The following EXOC4 variants were observed in gnomAD, a reference collection of about 807,000 sequenced individuals.
EXOC4 encodes the protein exocyst complex component 4, also known as SEC8-like 1.
In EXOC4, 71 loss-of-function variants were observed where a neutral mutation model predicts 107.2. The ratio of observed to expected loss-of-function variants is 0.66; its 90% CI spans 0.55 to 0.81. The LOEUF is 0.81. EXOC4 is among the 30% of genes least tolerant of loss of function. EXOC4 has a pLI of 0.00. For missense variants in EXOC4, 1,108 were observed against 1,189.6 expected, an observed-to-expected ratio of 0.93 and a Z score of 1.01; for synonymous variants, 456 against 441.2, an observed-to-expected ratio of 1.03 and a Z score of -0.42.
intron 11 of EXOC4, among the ~76,000 whole-genome samples, chr7:133,848,048 C>G (rs1379765223): frequency 6.6e-6 from 1 of 151,844 alleles, no homozygotes; most frequent in Admixed American, 6.6e-5. Context: ...ACTTCTAATT[C>G]CTCACAGCTA....
intron 10 of EXOC4, among the ~76,000 whole-genome samples, chr7:133,779,742 A>G (rs2542257): frequency 0.99 from 150,269 of 152,284 alleles, 74,183 homozygotes; most frequent in Middle Eastern, 1. Flanking sequence ...TTTGTAAAAT[A>G]GACCAATCAG....
At chr7:133,925,224 G>A (rs1800025496) in intron 13 of EXOC4, among the ~76,000 whole-genome samples, 1 of 152,130 alleles carries the variant, frequency 6.6e-6, no homozygotes, top group South Asian at 2.1e-4. Flanking sequence ...ATTACTAAAT[G>A]AGGCTCTTTT....
At chr7:134,058,594 T>G (rs148990262) in intron 17 of EXOC4, among the ~76,000 whole-genome samples, 240 of 152,322 alleles carry the variant, frequency 1.6e-3, no homozygotes, top group Middle Eastern at 0.01. Context: ...TCAAATCCAG[T>G]GTTGTTCAGA....
intron 14 of EXOC4, among the ~76,000 whole-genome samples, chr7:133,943,819 C>A (rs1234462335): frequency 6.6e-6 from 1 of 151,986 alleles, no homozygotes; most frequent in Admixed American, 6.6e-5. Flanking sequence ...CCATGGTTTC[C>A]CTTTCCGCCT....
chr7:133,971,200 G>C (rs1801213106), intron 14 of EXOC4, among the ~76,000 whole-genome samples: 1 of 151,746 alleles, frequency 6.6e-6, no homozygotes, highest in Non-Finnish European at 1.5e-5. Flanking sequence ...GGGTTAATGT[G>C]CAGGACTTGA....
At chr7:133,642,200 A>G (rs1012420971) in intron 10 of EXOC4, among the ~76,000 whole-genome samples, 10 of 152,094 alleles carry the variant, frequency 6.6e-5, no homozygotes, top group Non-Finnish European at 1.0e-4. Flanking sequence ...AGTGCTTACT[A>G]TATACCAGAC....
chr7:133,409,862 T>G (rs963832064), intron 7 of EXOC4, among the ~76,000 whole-genome samples: 2 of 152,222 alleles, frequency 1.3e-5, no homozygotes, highest in African/African-American at 4.8e-5. Flanking sequence ...AATTACTAGA[T>G]CTTTCTTATA....
At chr7:133,840,098 G>A (rs1797994627) in intron 11 of EXOC4, among the ~76,000 whole-genome samples, 2 of 152,166 alleles carry the variant, frequency 1.3e-5, no homozygotes, top group Non-Finnish European at 2.9e-5. Flanking sequence ...ATCTAGAAAG[G>A]TAGATAGATT....
intron 11 of EXOC4, among the ~76,000 whole-genome samples, chr7:133,876,477 T>C (rs1798851898): frequency 6.6e-6 from 1 of 152,172 alleles, no homozygotes; most frequent in African/African-American, 2.4e-5. Flanking sequence ...GCTTAGCTTT[T>C]ATCACGCTTA....
chr7:133,715,006 T>A (rs1039890386), intron 10 of EXOC4, among the ~76,000 whole-genome samples: 2 of 152,214 alleles, frequency 1.3e-5, no homozygotes, highest in African/African-American at 4.8e-5. Flanking sequence ...ATTCCATTAA[T>A]ATTTCTTCTT....
intron 4 of EXOC4, among the ~76,000 whole-genome samples, chr7:133,309,830 C>T (rs1794832105): frequency 6.6e-6 from 1 of 152,108 alleles, no homozygotes; most frequent in Non-Finnish European, 1.5e-5. Context: ...GTCCCAGCTA[C>T]TCAGGAGGCT....
Position 133,409,520 on chromosome 7 carries a change from T to C in EXOC4, c.1182+34518T>C, listed in dbSNP as rs189582177. Among the ~76,000 whole-genome samples, 8 of 152,296 alleles carry C rather than the reference T, an allele frequency of 5.3e-5. No homozygotes were observed. In the East Asian group the frequency reaches 1.5e-3, roughly 29 times the overall value. ...AAATGGCCAGAGGAGTTGATTTGCT[T>C]TTGTTTCCATGAGTATTTTCGCTAT... On this transcript the variant is annotated intron_variant, in intron 7 of 17. Transcript: ENST00000253861.
intron 7 of EXOC4, among the ~76,000 whole-genome samples, chr7:133,379,941 G>C (rs1796575622): frequency 1.3e-5 from 2 of 151,978 alleles, no homozygotes; most frequent in African/African-American, 4.8e-5. Flanking sequence ...TTAAAAATAG[G>C]TTTTTCTGGC....
At chr7:133,390,042 G>A (rs765100193) in intron 7 of EXOC4, among the ~76,000 whole-genome samples, 3 of 152,110 alleles carry the variant, frequency 2.0e-5, no homozygotes, top group Non-Finnish European at 4.4e-5. Context: ...CCCACAACAC[G>A]TGGGAATTCA....
chr7:133,945,650 G>A (rs1800532197), intron 14 of EXOC4, among the ~76,000 whole-genome samples: 1 of 152,204 alleles, frequency 6.6e-6, no homozygotes, highest in Non-Finnish European at 1.5e-5. Flanking sequence ...AATGAATGTA[G>A]ATATGTCATT....
At chr7:133,886,319 CAG>C (rs1306598733) in intron 11 of EXOC4, among the ~76,000 whole-genome samples, 1 of 152,172 alleles carries the variant, frequency 6.6e-6, no homozygotes, top group Admixed American at 6.5e-5. Flanking sequence ...TTTTCTGTAA[CAG>C]AATATTAGTA....
chr7:133,773,881 C>G (rs1480182175), intron 10 of EXOC4, among the ~76,000 whole-genome samples: 1 of 152,012 alleles, frequency 6.6e-6, no homozygotes, highest in African/African-American at 2.4e-5. Context: ...AGATTTGTTT[C>G]GTTTTATTTT....
At chr7:133,581,757 C>CCA (rs1801279439) in intron 9 of EXOC4, among the ~76,000 whole-genome samples, 1 of 82,912 alleles carries the variant, frequency 1.2e-5, no homozygotes, top group Non-Finnish European at 2.3e-5. Context: ...GACTCCGTCT[C>CCA]AAAAAAAAAA....
intron 17 of EXOC4, among the ~76,000 whole-genome samples, chr7:134,043,641 G>A (rs904698050): frequency 6.6e-6 from 1 of 152,186 alleles, no homozygotes; most frequent in African/African-American, 2.4e-5. Flanking sequence ...CCCTAGGAAT[G>A]TGTGACACCT....
Sources: gnomAD v4.1 joint callset for allele counts (sites outside exome capture counted in the v4.1 genomes callset) on GRCh38, gnomAD v4.1.1 for gene constraint, MANE v1.5 for transcripts, NCBI Gene and HGNC (gene_info 2026-07-23, HGNC 2026-07-21) for gene names.